The following RAB3GAP2 variants were observed in gnomAD, a reference collection of about 807,000 sequenced individuals.
RAB3GAP2 encodes the protein RAB3 GTPase activating non-catalytic protein subunit 2.
RAB3GAP2 carries 87 observed loss-of-function variants against 185.3 expected under a neutral mutation model. The observed-to-expected ratio is 0.47, with a 90% CI of 0.39 to 0.56. RAB3GAP2 has a LOEUF of 0.56. RAB3GAP2 is among the 20% of genes least tolerant of loss of function. RAB3GAP2 has a pLI of 0.00. For synonymous variants in RAB3GAP2, 554 were observed against 576.1 expected (o/e 0.96, Z 0.55); for missense variants, 1,492 against 1,638.2 (o/e 0.91, Z 1.54).
At chr1:220,202,943 G>A (rs1002165442) in intron 8 of RAB3GAP2, among the ~76,000 whole-genome samples, 3 of 152,052 alleles carry the variant, frequency 2.0e-5, no homozygotes, top group Non-Finnish European at 4.4e-5. Flanking sequence ...ACTCCGTCTC[G>A]AAAACAACAA....
At position 220,153,954 on chromosome 1, in the gene RAB3GAP2, T is replaced by C; in HGVS notation, c.3645+14A>G. ...TCCAAGAAACAAAAACAAAATCCAA[T>C]AGCTATAATTTACCTGTTGTCGTAC... is the stretch of plus-strand genomic sequence containing the variant. On this transcript the variant is annotated intron_variant, in intron 32 of 34. Coordinates refer to ENST00000358951, the MANE Select transcript of RAB3GAP2 (RefSeq NM_012414.4). 2 of 1,612,478 alleles carry C rather than the reference T, an allele frequency of 1.2e-6. No homozygotes were observed. Among genetic ancestry groups the C allele is most frequent in the South Asian group, 1.1e-5 (1 of 90,926 alleles).
intron 1 of RAB3GAP2, among the ~76,000 whole-genome samples, chr1:220,270,621 GTCTT>G (rs1377279864): frequency 1.3e-5 from 2 of 152,060 alleles, no homozygotes; most frequent in African/African-American, 4.8e-5. Context: ...ACTCCTTAAC[GTCTT>G]TCTAATCTAG....
rs1252427505 is a variant in RAB3GAP2, at chr1:220,148,739, T to A, written c.*2512A>T. The stretch of plus-strand genomic sequence containing the variant: ...TGAAGTTTTATAATAAAAGTAAAAC[T>A]TTTTTTTTCTGTTTGCAAAAGTATG... On this transcript the variant is annotated 3_prime_UTR_variant, in exon 35 of 35. Coordinates refer to ENST00000358951, the MANE Select transcript of RAB3GAP2 (RefSeq NM_012414.4). 6 of 139,504 alleles carry A rather than the reference T, an allele frequency of 4.3e-5. No homozygotes were observed. Among genetic ancestry groups the A allele is most frequent in the African/African-American group, 6.7e-5 (2 of 30,008 alleles). The allele number at this position is 139,504 out of a possible 1,614,324, so 8.6% of individuals were successfully genotyped here.
At chr1:220,246,626 T>C (rs1659821970) in intron 1 of RAB3GAP2, among the ~76,000 whole-genome samples, 2 of 113,906 alleles carry the variant, frequency 1.8e-5, no homozygotes, top group Admixed American at 9.6e-5. Flanking sequence ...TGTAGGGACA[T>C]GGATGAAATT....
At position 220,158,733 on chromosome 1, in the gene RAB3GAP2, G is replaced by A. The variant is rs1046891912; in HGVS notation, c.3261+653C>T. Among the ~76,000 whole-genome samples, 5 of 150,476 alleles carry A rather than the reference G, an allele frequency of 3.3e-5. No homozygotes were observed. Among genetic ancestry groups the A allele is most frequent in the Admixed American group, 1.3e-4 (2 of 15,068 alleles). On this transcript the variant is annotated intron_variant, in intron 29 of 34. Transcript: ENST00000358951. The surrounding 1 kb of genome is among the most constrained non-coding windows in gnomAD (Gnocchi z 4.3). Reference sequence around the variant, plus strand: ...TAGGATTACAGGCGTGAGCCACCGCGCCCTGCCATATAATCTTTTTAAAAC... The same window carrying A: ...TAGGATTACAGGCGTGAGCCACCGCACCCTGCCATATAATCTTTTTAAAAC...
chr1:220,177,652 T>C (rs374450729), intron 21 of RAB3GAP2, among the ~76,000 whole-genome samples: 87 of 151,924 alleles, frequency 5.7e-4, no homozygotes, highest in African/African-American at 2.0e-3. Flanking sequence ...AGCTGAAAAA[T>C]AAATAAAATT....
chr1:220,196,338 T>A lies in RAB3GAP2; in HGVS notation c.872A>T (p.Asn291Ile). The change falls in exon 10 of 35, where the codon AAT becomes ATT. Residue 291 changes from asparagine (N) to isoleucine (I), a missense_variant. Asn to Ile is a moderately radical substitution (Grantham distance 149). Coordinates refer to ENST00000358951, the MANE Select transcript of RAB3GAP2 (RefSeq NM_012414.4). ...MKTASNIGGF[N>I]AAIKNSPPAM... ...AGGTGGACTATTTTTAATTGCTGCATTAAATCCACCTATATTGGAGGCAGT... is the reference window on the plus strand; with the variant it reads ...AGGTGGACTATTTTTAATTGCTGCAATAAATCCACCTATATTGGAGGCAGT... 1 of 1,608,332 alleles carries A rather than the reference T, an allele frequency of 6.2e-7. No individual in the cohort carries two copies. The highest frequency in any genetic ancestry group is 1.3e-5 in the African/African-American group (1 of 74,872).
Position 220,172,657 on chromosome 1 carries a change from GA to G in RAB3GAP2, c.2395del (p.Ser799ProfsTer3). 6.2e-7 allele frequency: 1 copy of G among 1,610,638 alleles called. No individual in the cohort carries two copies. Among genetic ancestry groups the G allele is most frequent in the Non-Finnish European group, 8.5e-7 (1 of 1,176,830 alleles). The stretch of plus-strand genomic sequence containing the variant: ...TTTACCTTTCATCTTGCTCAGGAGG[GA>G]CAGCATGGTATGAAGACAGCAGATT... ...QSICCLHTML[S>X]LLSKMKVAID... On this transcript the variant is annotated frameshift_variant, in exon 22 of 35. Coordinates refer to ENST00000358951, the MANE Select transcript of RAB3GAP2 (RefSeq NM_012414.4). LOFTEE classifies it high-confidence loss of function.
chr1:220,267,587 A>G (rs774200583), intron 1 of RAB3GAP2: 78 of 1,367,698 alleles, frequency 5.7e-5, no homozygotes, highest in Non-Finnish European at 7.9e-5. Context: ...GTTCCTCCTC[A>G]GGATTATTTT....
rs890106542 is a variant in RAB3GAP2 at position 220,183,972 on chromosome 1, A to G, written c.1998+64T>C. The stretch of plus-strand genomic sequence containing the variant: ...TTAATTTTCTACTTCTTTACTACTA[A>G]TTTTAAAAAGTAAAACTAATCAAAG... On this transcript the variant is annotated intron_variant, in intron 19 of 34. Coordinates refer to ENST00000358951, the MANE Select transcript of RAB3GAP2 (RefSeq NM_012414.4). 17 of 1,332,976 alleles carry G rather than the reference A, an allele frequency of 1.3e-5. No homozygotes were observed. The Admixed American group carries it at 1.3e-4, about 10-fold the overall frequency. 82.6% of individuals were successfully genotyped at this position (1,332,976 alleles called of 1,614,324 possible). A position where few individuals can be genotyped will look rare whatever the true frequency, so the allele number is the denominator to read the frequency against.
chr1:220,151,782 G>A lies in RAB3GAP2; in HGVS notation c.3868-18C>T, dbSNP rs1437514805. ...AGAATGGCCTGAAGATAGGAACATGGAGAAATAATACAGTCAGAGTGAGCA... is the reference window on the plus strand; with the variant it reads ...AGAATGGCCTGAAGATAGGAACATGAAGAAATAATACAGTCAGAGTGAGCA... On this transcript the variant is annotated intron_variant, in intron 33 of 34. Coordinates refer to ENST00000358951, the MANE Select transcript of RAB3GAP2 (RefSeq NM_012414.4). 2 of 1,587,366 alleles carry A rather than the reference G, an allele frequency of 1.3e-6. No homozygotes were observed. The highest frequency in any genetic ancestry group is 1.7e-6 in the Non-Finnish European group (2 of 1,156,144).
chr1:220,189,695 A>T lies in RAB3GAP2; in HGVS notation c.1779+8T>A. ...TAGCAGGAAAGTTCGTGTATTATAT[A>T]CACTTACTTGTTTTTTGGTTGCAGG... On this transcript the variant is annotated splice_region_variant and intron_variant, in intron 17 of 34. Coordinates refer to ENST00000358951, the MANE Select transcript of RAB3GAP2 (RefSeq NM_012414.4). 1 of 1,561,172 alleles carries T rather than the reference A, an allele frequency of 6.4e-7. No homozygotes were observed. The highest frequency in any genetic ancestry group is 8.8e-7 in the Non-Finnish European group (1 of 1,141,748).
At position 220,182,744 on chromosome 1, in the gene RAB3GAP2, A is replaced by G; in HGVS notation, c.2186T>C (p.Ile729Thr). Residue 729 changes from isoleucine (I) to threonine (T), a missense_variant, in exon 20 of 35, where the codon ATA becomes ACA. Physicochemically the swap from Ile to Thr is moderately conservative, Grantham distance 89 (BLOSUM62 -1). Around this residue, in one of 5 missense-constraint regions of RAB3GAP2, gnomAD observed 681 missense variants for 689.1 expected, o/e 0.99. Transcript: ENST00000358951. ...YEKDVLNIKKISEEEYVALGS... is the reference protein window; with the variant it reads ...YEKDVLNIKKTSEEEYVALGS... The stretch of plus-strand genomic sequence containing the variant: ...TAAAGCCACATATTCCTCTTCACTT[A>G]TTTTCTTTATGTTGAGCACATCCTT... 6.2e-7 allele frequency: 1 copy of G among 1,606,406 alleles called. No individual in the cohort carries two copies. The highest frequency in any genetic ancestry group is 8.5e-7 in the Non-Finnish European group (1 of 1,177,736).
At position 220,193,390 on chromosome 1, in the gene RAB3GAP2, A is replaced by C. The variant is rs758569552; in HGVS notation, c.1131-11T>G. On this transcript the variant is annotated splice_polypyrimidine_tract_variant and intron_variant, in intron 12 of 34. Transcript: ENST00000358951. ...TCTGGAAGTCCAAATCTGATATTTA[A>C]AAGAAAATAAAATGCTCAAATCACA... 2.5e-6 allele frequency: 4 copies of C among 1,612,106 alleles called. No individual in the cohort carries two copies. Among genetic ancestry groups the C allele is most frequent in the East Asian group, 4.5e-5 (2 of 44,750 alleles).
intron 17 of RAB3GAP2, among the ~76,000 whole-genome samples, chr1:220,188,106 A>G (rs1024027121): frequency 6.7e-5 from 10 of 148,474 alleles, no homozygotes; most frequent in Middle Eastern, 3.5e-3. Flanking sequence ...GTGTGTGGGA[A>G]AAAAAAAAAA....
At chr1:220,154,094 G>T (rs1265039709) in intron 31 of RAB3GAP2, 37 bp from the exon 32 acceptor site, 1 of 1,609,722 alleles carries the variant, frequency 6.2e-7, no homozygotes, top group African/African-American at 1.3e-5. Context: ...GATGAGTGTG[G>T]ATTATTAAGG....
In RAB3GAP2 at chr1:220,171,545, A is replaced by G. The variant is rs866850222; in HGVS notation, c.2577+344T>C. The stretch of plus-strand genomic sequence containing the variant: ...AAGCAGGCAATATTAAATTTAGCCT[A>G]TAAACAACAGTGGCTGACAATGTTA... On this transcript the variant is annotated intron_variant, in intron 23 of 34. Coordinates refer to ENST00000358951, the MANE Select transcript of RAB3GAP2 (RefSeq NM_012414.4). Among the ~76,000 whole-genome samples, 4 of 152,236 alleles carry G rather than the reference A, an allele frequency of 2.6e-5. No homozygotes were observed. In the South Asian group the frequency reaches 8.3e-4, roughly 32 times the overall value.
At chr1:220,241,272 G>A (rs1325474635) in intron 1 of RAB3GAP2, among the ~76,000 whole-genome samples, 2 of 152,012 alleles carry the variant, frequency 1.3e-5, no homozygotes, top group African/African-American at 4.8e-5. Context: ...AATTCTAGAA[G>A]TGGGCAATTG....
intron 31 of RAB3GAP2, among the ~76,000 whole-genome samples, chr1:220,155,142 G>A (rs1657836224): frequency 6.6e-6 from 1 of 152,214 alleles, no homozygotes; most frequent in African/African-American, 2.4e-5. Context: ...GAAGTTCCTT[G>A]GAAGGAAATG....
Sources: allele counts gnomAD v4.1 joint callset (sites outside exome capture counted in the v4.1 genomes callset), GRCh38; gene constraint gnomAD v4.1.1; regional missense constraint gnomAD v4.1.1; non-coding constraint Gnocchi (gnomAD v3.1); transcripts MANE v1.5; gene names NCBI Gene and HGNC (gene_info 2026-07-23, HGNC 2026-07-21).